DOK6: variants seen among roughly 807,000 people sequenced by gnomAD.
DOK6 encodes the protein downstream of tyrosine kinase 6.
DOK6 carries 22 observed loss-of-function variants against 44.0 expected under a neutral mutation model. The ratio of observed to expected loss-of-function variants is 0.50; its 90% CI spans 0.36 to 0.71. The LOEUF (loss-of-function observed/expected upper bound fraction) is 0.71. Among genes scored for constraint, DOK6 ranks in the 30% least tolerant of loss-of-function variants. The pLI, the probability that DOK6 is intolerant of heterozygous loss-of-function variation, is 0.00. For missense variants in DOK6, 340 were observed against 416.4 expected, an observed-to-expected ratio of 0.82 and a Z score of 1.60; for synonymous variants, 166 against 145.5, an observed-to-expected ratio of 1.14 and a Z score of -1.01.
intron 1 of DOK6, among the ~76,000 whole-genome samples, chr18:69,425,310 T>C (rs1296513999): frequency 3.9e-5 from 6 of 152,056 alleles, no homozygotes. Context: ...CTTGTCACAG[T>C]GCTACCTGCT....
At chr18:69,458,008 T>C (rs1174795625) in intron 1 of DOK6, among the ~76,000 whole-genome samples, 1 of 152,172 alleles carries the variant, frequency 6.6e-6, no homozygotes, top group African/African-American at 2.4e-5. Context: ...CTGGGCGTGG[T>C]GGCGCATGCC....
chr18:69,754,403 T>C (rs1979288918), intron 6 of DOK6, among the ~76,000 whole-genome samples: 1 of 151,088 alleles, frequency 6.6e-6, no homozygotes, highest in Admixed American at 6.6e-5. Flanking sequence ...ACTGTCTTAG[T>C]CACTGCACAG....
intron 1 of DOK6, among the ~76,000 whole-genome samples, chr18:69,431,044 C>G (rs989587668): frequency 1.3e-5 from 2 of 152,154 alleles, no homozygotes; most frequent in African/African-American, 4.8e-5. Flanking sequence ...TGACAGCCTC[C>G]ACTGTGACAA....
intron 4 of DOK6, among the ~76,000 whole-genome samples, chr18:69,693,359 TTC>T (rs1986311671): frequency 6.6e-6 from 1 of 151,934 alleles, no homozygotes; most frequent in Non-Finnish European, 1.5e-5. Flanking sequence ...GTAGACATTT[TTC>T]AAATTTCTTC....
intron 3 of DOK6, among the ~76,000 whole-genome samples, chr18:69,604,211 G>C (rs1388145011): frequency 6.6e-6 from 1 of 152,148 alleles, no homozygotes; most frequent in Admixed American, 6.5e-5. Flanking sequence ...TTTAGGATTA[G>C]TATAACCACA....
At chr18:69,587,630 A>C (rs78295665) in intron 2 of DOK6, among the ~76,000 whole-genome samples, 1 of 152,176 alleles carries the variant, frequency 6.6e-6, no homozygotes, top group Non-Finnish European at 1.5e-5. Flanking sequence ...AGGTAAAGCC[A>C]TAGTAGCTGT....
At chr18:69,448,570 C>T (rs1231352497) in intron 1 of DOK6, among the ~76,000 whole-genome samples, 1 of 152,060 alleles carries the variant, frequency 6.6e-6, no homozygotes, top group Non-Finnish European at 1.5e-5. Flanking sequence ...GACAGGGTTT[C>T]ACCATGTTGG....
intron 1 of DOK6, among the ~76,000 whole-genome samples, chr18:69,445,435 C>T (rs13353252): frequency 0.5 from 75,491 of 151,990 alleles, 19,697 homozygotes; most frequent in East Asian, 0.72. Context: ...TTTTCATAAA[C>T]GCCTTTTATC....
At chr18:69,419,849 A>T (rs967771492) in intron 1 of DOK6, among the ~76,000 whole-genome samples, 1 of 152,148 alleles carries the variant, frequency 6.6e-6, no homozygotes, top group African/African-American at 2.4e-5. Flanking sequence ...GAACTGCACC[A>T]TTATGGTTTT....
At chr18:69,565,497 GTGTGTGTGTGTGTGTGTGTGTGTGTA>G (rs961900068) in intron 2 of DOK6, among the ~76,000 whole-genome samples, 11 of 12,080 alleles carry the variant, frequency 9.1e-4, no homozygotes, top group Non-Finnish European at 8.3e-3. Context: ...GTGTGTGTGT[GTGTGTGTGTGTGTGTGTGTGTGTGTA>G]TATATATATA....
intron 1 of DOK6, among the ~76,000 whole-genome samples, chr18:69,563,069 A>G (rs1247489741): frequency 1.3e-5 from 2 of 152,256 alleles, no homozygotes; most frequent in Admixed American, 6.5e-5. Flanking sequence ...ATCACTGGCC[A>G]TCAGAAAAAT....
intron 3 of DOK6, among the ~76,000 whole-genome samples, chr18:69,616,129 G>T (rs917730907): frequency 2.6e-5 from 4 of 152,158 alleles, no homozygotes; most frequent in African/African-American, 9.7e-5. Context: ...AATGGCATAA[G>T]AATAAAATCC....
chr18:69,483,283 A>T (rs1980481502), intron 1 of DOK6, among the ~76,000 whole-genome samples: 1 of 152,012 alleles, frequency 6.6e-6, no homozygotes, highest in Admixed American at 6.6e-5. Flanking sequence ...AAGTCTCAGG[A>T]TACAAAAAAT....
intron 3 of DOK6, among the ~76,000 whole-genome samples, chr18:69,625,239 A>C (rs570722039): frequency 1.3e-5 from 2 of 152,298 alleles, no homozygotes; most frequent in South Asian, 2.1e-4. Flanking sequence ...TAAGGTGATA[A>C]GTTGGAGTTG....
intron 1 of DOK6, among the ~76,000 whole-genome samples, chr18:69,407,914 A>G (rs1978291991): frequency 6.6e-6 from 1 of 152,238 alleles, no homozygotes; most frequent in Admixed American, 6.5e-5. Context: ...TAATGGTAAC[A>G]TAATCTCACT....
intron 6 of DOK6, among the ~76,000 whole-genome samples, chr18:69,751,639 AAT>A (rs1477490760): frequency 6.6e-6 from 1 of 152,156 alleles, no homozygotes; most frequent in Non-Finnish European, 1.5e-5. Flanking sequence ...AAAAATGAAA[AAT>A]AAATTTTAAT....
chr18:69,626,337 A>G (rs1333251516), intron 3 of DOK6, among the ~76,000 whole-genome samples: 5 of 152,160 alleles, frequency 3.3e-5, no homozygotes, highest in Non-Finnish European at 7.4e-5. Flanking sequence ...ACCACTTCAA[A>G]CCGCCTCTCG....
chr18:69,786,539 A>C (rs1980435967), intron 7 of DOK6, among the ~76,000 whole-genome samples: 1 of 152,216 alleles, frequency 6.6e-6, no homozygotes, highest in Non-Finnish European at 1.5e-5. Context: ...GAGATCAATT[A>C]ATTTTCCTCA....
At chr18:69,461,322 C>T (rs1979780330) in intron 1 of DOK6, among the ~76,000 whole-genome samples, 1 of 152,042 alleles carries the variant, frequency 6.6e-6, no homozygotes, top group African/African-American at 2.4e-5. Context: ...ATTTTCAAGC[C>T]TCTTCTATTT....
Sources: allele counts gnomAD v4.1 joint callset (sites outside exome capture counted in the v4.1 genomes callset), GRCh38; gene constraint gnomAD v4.1.1; transcripts MANE v1.5; gene names NCBI Gene and HGNC (gene_info 2026-07-23, HGNC 2026-07-21).